SPRY3: variants seen among roughly 807,000 people sequenced by gnomAD.
SPRY3 encodes the protein protein sprouty homolog 3.
A neutral mutation model predicts 20.2 loss-of-function variants in SPRY3; 15 were observed. That is an observed-to-expected ratio of 0.74 (90% CI 0.50 to 1.14). The LOEUF (loss-of-function observed/expected upper bound fraction) is 1.14. Ranked by LOEUF, SPRY3 falls within the 50% of genes most tolerant of loss-of-function variation. The pLI, the probability that SPRY3 is intolerant of heterozygous loss-of-function variation, is 0.00. For synonymous variants in SPRY3, 143 were observed against 136.5 expected (o/e 1.05, Z -0.33); for missense variants, 364 against 363.9 (o/e 1.00, Z 0.00).
At chrX:155,722,248 C>T (rs902378934) in intron 2 of SPRY3, among the ~76,000 whole-genome samples, 16 of 152,220 alleles carry the variant, frequency 1.1e-4, no homozygotes, top group Non-Finnish European at 2.1e-4. Context: ...CATGGCCAGG[C>T]ACAGTGGCTC....
Position 155,716,981 on chromosome X carries a change from A to AATATATATATATATATATATATATATAT in SPRY3, c.-281-50977_-281-50950dup, listed in dbSNP as rs749530944. Among the ~76,000 whole-genome samples the AATATATATATATATATATATATATATAT allele has an allele frequency of 1.8e-3, 117 of 63,294 alleles. 1 individual carries two copies. The highest frequency in any genetic ancestry group is 3.2e-3 in the African/African-American group (44 of 13,644). The allele number at this position is 63,294 out of a possible 152,430, so 41.5% of individuals were successfully genotyped here. On this transcript the variant is annotated intron_variant, in intron 2 of 3. Coordinates refer to ENST00000675360, the Ensembl canonical transcript of SPRY3. ...AAACCCTGTTTCCACTAAAATACAA[A>AATATATATATATATATATATATATATAT]ATATATATATATATATATATATATA... is the stretch of plus-strand genomic sequence containing the variant.
intron 2 of SPRY3, among the ~76,000 whole-genome samples, chrX:155,726,380 C>T (rs191795163): frequency 1.3e-5 from 2 of 152,108 alleles, no homozygotes; most frequent in East Asian, 1.9e-4. Flanking sequence ...TCCTTGTTAA[C>T]CTTCTTTCTC....
At chrX:155,752,579 G>GA (rs1482818059) in intron 2 of SPRY3, among the ~76,000 whole-genome samples, 2 of 151,162 alleles carry the variant, frequency 1.3e-5, no homozygotes, top group Non-Finnish European at 3.0e-5. Flanking sequence ...TCCATAATAA[G>GA]AAAAAATAGA....
intron 2 of SPRY3, among the ~76,000 whole-genome samples, chrX:155,720,392 A>G (rs2091049358): frequency 6.6e-6 from 1 of 152,076 alleles, no homozygotes; most frequent in African/African-American, 2.4e-5. Flanking sequence ...GAAGGGAAGG[A>G]CACAGGCCTG....
intron 2 of SPRY3, among the ~76,000 whole-genome samples, chrX:155,729,276 C>A (rs369042906): frequency 6.6e-6 from 1 of 152,004 alleles, no homozygotes; most frequent in Admixed American, 6.6e-5. Context: ...TTCCTTAGCA[C>A]GTGGATCATT....
chrX:155,745,167 A>G (rs1308178264), intron 2 of SPRY3, among the ~76,000 whole-genome samples: 1 of 151,984 alleles, frequency 6.6e-6, no homozygotes, highest in East Asian at 1.9e-4. Context: ...TCCCAGACCA[A>G]CTTTCTTTCC....
In SPRY3 at chrX:155,728,684, G is replaced by A. The variant is rs761947685; in HGVS notation, c.-281-39278G>A. On this transcript the variant is annotated intron_variant, in intron 2 of 3. Transcript: ENST00000675360. Reference sequence around the variant, plus strand: ...CATGGGAAAAGCACAGTATTTGGGCGGGAGTGTTTCATTTTTCCAGGTACA... The same window carrying A: ...CATGGGAAAAGCACAGTATTTGGGCAGGAGTGTTTCATTTTTCCAGGTACA... Among the ~76,000 whole-genome samples the A allele has an allele frequency of 7.2e-4, 110 of 152,224 alleles. 1 individual carries two copies. Among genetic ancestry groups the A allele is most frequent in the Admixed American group, 1.9e-3 (29 of 15,276 alleles).
chrX:155,699,012 AC>A (rs1346892349), intron 2 of SPRY3, among the ~76,000 whole-genome samples: 2 of 112,331 alleles, frequency 1.8e-5, no homozygotes, highest in African/African-American at 6.5e-5. Context: ...AAAGATATTC[AC>A]TAACACCACT....
At chrX:155,774,774 C>T (rs2091412600) in exon 4 of SPRY3, 9 of 1,581,402 alleles carry the variant, frequency 5.7e-6, no homozygotes, top group South Asian at 2.4e-5. Flanking sequence ...TTTTCTCCTT[C>T]GAGTCCCCAA....
At chrX:155,773,818 A>G (rs1218926567) in exon 4 of SPRY3, 131 of 1,565,514 alleles carry the variant, frequency 8.4e-5, no homozygotes, top group Non-Finnish European at 5.2e-6. Context: ...CCTCTTTATC[A>G]CCATAAGTGC....
chrX:155,727,807 C>T (rs1356682685), intron 2 of SPRY3, among the ~76,000 whole-genome samples: 3 of 152,234 alleles, frequency 2.0e-5, no homozygotes, highest in Non-Finnish European at 1.5e-5. Flanking sequence ...TCTGTCAACT[C>T]GTCAAAGTCT....
At chrX:155,661,392 A>C (rs940299893) in intron 2 of SPRY3, among the ~76,000 whole-genome samples, 1 of 111,844 alleles carries the variant, frequency 8.9e-6, no homozygotes, top group Non-Finnish European at 1.9e-5. Context: ...TCTGCTGAGA[A>C]GTCTGGTGTT....
chrX:155,710,353 C>T (rs924450769), intron 2 of SPRY3, among the ~76,000 whole-genome samples: 13 of 151,486 alleles, frequency 8.6e-5, no homozygotes, highest in Non-Finnish European at 1.6e-4. Context: ...CAGTGTTTTA[C>T]AACTTTCATT....
chrX:155,669,842 G>T (rs1324006682), intron 2 of SPRY3: 3 of 110,737 alleles, frequency 2.7e-5, no homozygotes, highest in African/African-American at 9.8e-5. Context: ...TCTGTCTCTG[G>T]CATTTTAAAT....
At chrX:155,763,373 C>A (rs2091311900) in intron 2 of SPRY3, among the ~76,000 whole-genome samples, 1 of 152,142 alleles carries the variant, frequency 6.6e-6, no homozygotes, top group Non-Finnish European at 1.5e-5. Flanking sequence ...ACTGTCAATT[C>A]CCTAACCAGG....
chrX:155,768,242 TGCCGCGCGCTTGGGCGC>T (rs1569400653), intron 3 of SPRY3, 106 bp downstream of exon 2: 1 of 318 alleles, frequency 3.1e-3, no homozygotes, highest in Non-Finnish European at 4.2e-3. Context: ...TGCGTGTGTG[TGCCGCGCGCTTGGGCGC>T]GCGCGCGCAA....
chrX:155,624,765 T>A (rs895573488), intron 1 of SPRY3, among the ~76,000 whole-genome samples: 1 of 111,981 alleles, frequency 8.9e-6, no homozygotes, highest in Admixed American at 9.5e-5. Context: ...TGACAGTAAT[T>A]TCATAGTCCA....
exon 4 of SPRY3, chrX:155,775,150 C>T (rs182377077): frequency 2.9e-4 from 69 of 235,562 alleles, no homozygotes; most frequent in Non-Finnish European, 9.0e-6. Flanking sequence ...ATGGTTTTCA[C>T]AGGTACATGT....
At chrX:155,635,664 TATC>T (rs1439428911) in intron 1 of SPRY3, among the ~76,000 whole-genome samples, 2 of 112,064 alleles carry the variant, frequency 1.8e-5, no homozygotes, top group Non-Finnish European at 3.8e-5. Context: ...CATAATGAGA[TATC>T]ATCTCACACC....
Sources: gnomAD v4.1 joint callset for allele counts (sites outside exome capture counted in the v4.1 genomes callset) on GRCh38, gnomAD v4.1.1 for gene constraint, MANE v1.5 for transcripts, NCBI Gene and HGNC (gene_info 2026-07-23, HGNC 2026-07-21) for gene names.